KLKB1: variants seen among roughly 807,000 people sequenced by gnomAD.
KLKB1 encodes the protein kallikrein B1.
KLKB1 carries 58 observed loss-of-function variants against 73.6 expected under a neutral mutation model. That is an observed-to-expected ratio of 0.79 (90% CI 0.64 to 0.98). The LOEUF (loss-of-function observed/expected upper bound fraction) is 0.98, where lower values mean the gene tolerates loss of function less well. Ranked by LOEUF, KLKB1 falls within the 50% of genes least tolerant of loss-of-function variation. The pLI is 0.00. For synonymous variants in KLKB1, 280 were observed against 258.1 expected (o/e 1.08, Z -0.81); for missense variants, 737 against 763.8 (o/e 0.96, Z 0.41).
rs1246510802 is a variant in KLKB1 at position 186,228,241 on chromosome 4, A to G, written c.46A>G (p.Thr16Ala). 4.4e-6 allele frequency: 7 copies of G among 1,596,670 alleles called. No homozygotes were observed. The highest frequency in any genetic ancestry group is 2.2e-5 in the East Asian group (1 of 44,794). Reference protein sequence around the residue: ...QATYFISLFATVSCGCLTQLY... With the variant: ...QATYFISLFAAVSCGCLTQLY... ...AACTTATTTCATTTCCTTGTTTGCT[A>G]CAGTTTCCTGTGGTAAGTGAATTAT... The change falls in exon 2 of 15, where the codon ACA becomes GCA. Residue 16 changes from threonine to alanine, a missense_variant. Thr to Ala is a moderately conservative substitution (Grantham distance 58). Transcript: ENST00000264690.
In KLKB1 at chr4:186,234,031, T is replaced by G. The variant is rs1418393675; in HGVS notation, c.301T>G (p.Leu101Val). ...HRTGAVSGHSLKQCGHQISAC... is the reference protein window; with the variant it reads ...HRTGAVSGHSVKQCGHQISAC... ...AACAGGTGCAGTTTCTGGACATTCC[T>G]TGAAGCAATGTGGTCATCAAATAAG... Residue 101 changes from leucine (L) to valine (V), a missense_variant, in exon 4 of 15, where the codon TTG becomes GTG. Leu to Val is a conservative substitution (Grantham distance 32). Coordinates refer to ENST00000264690, the MANE Select transcript of KLKB1 (RefSeq NM_000892.5). 2.5e-6 allele frequency: 4 copies of G among 1,613,796 alleles called. No individual in the cohort carries two copies. The African/African-American group carries it at 4.0e-5, about 16-fold the overall frequency.
upstream of KLKB1, among the ~76,000 whole-genome samples, chr4:186,226,859 G>T (rs1737185742): frequency 6.6e-6 from 1 of 152,168 alleles, no homozygotes. Flanking sequence ...GGCTAACGTG[G>T]AGGCTAGATA....
upstream of KLKB1, among the ~76,000 whole-genome samples, chr4:186,227,225 C>G (rs1044324618): frequency 6.6e-6 from 1 of 152,136 alleles, no homozygotes; most frequent in Non-Finnish European, 1.5e-5. Context: ...TGTGCTGCAA[C>G]CAGGTGGCAT....
At chr4:186,257,162 ATTAT>A (rs1739044469) in intron 13 of KLKB1, 60 bp from the exon 14 acceptor site, 6 of 812,752 alleles carry the variant, frequency 7.4e-6, no homozygotes, top group South Asian at 4.4e-5. Flanking sequence ...TCCCAATATT[ATTAT>A]TTATTATTTA....
At chr4:186,257,729 C>CT (rs1739077673) in intron 14 of KLKB1, among the ~76,000 whole-genome samples, 1 of 146,680 alleles carries the variant, frequency 6.8e-6, no homozygotes, top group Non-Finnish European at 1.5e-5. Context: ...ACTTGGAGAA[C>CT]TTTAAGAAAG....
At chr4:186,257,498 C>T (rs2126681652) in intron 14 of KLKB1, 133 bp downstream of exon 14, 2 of 577,904 alleles carry the variant, frequency 3.5e-6, no homozygotes, top group African/African-American at 3.9e-5. Flanking sequence ...AATTGATAAG[C>T]AACTTTTAAC....
chr4:186,250,310 A>T lies in KLKB1; in HGVS notation c.666A>T (p.Pro222=). 6.2e-7 allele frequency: 1 copy of T among 1,614,114 alleles called. No individual in the cohort carries two copies. The highest frequency in any genetic ancestry group is 8.5e-7 in the Non-Finnish European group (1 of 1,179,976). Residue 222 remains proline (P), a synonymous_variant, in exon 7 of 15, where the codon CCA becomes CCT. Transcript: ENST00000264690. ...SDVDVARVLT[P]DAFVCRTICT... The stretch of plus-strand genomic sequence containing the variant: ...TGGATGTTGCCAGGGTTCTCACTCC[A>T]GATGCTTTTGTGTGTCGGACCATCT...
At chr4:186,219,904 G>A (rs1007850532) in intron 2 of KLKB1, among the ~76,000 whole-genome samples, 6 of 152,070 alleles carry the variant, frequency 3.9e-5, no homozygotes, top group African/African-American at 1.4e-4. Flanking sequence ...CTCCACTGTG[G>A]AGTAATAGAC....
intron 3 of KLKB1, among the ~76,000 whole-genome samples, chr4:186,232,928 T>C (rs3775301): frequency 0.13 from 19,086 of 152,258 alleles, 1,515 homozygotes; most frequent in Middle Eastern, 0.21. Context: ...ATTTTGTGTG[T>C]GTGTGTGATG....
At chr4:186,230,428 GT>G (rs370427038) in intron 2 of KLKB1, among the ~76,000 whole-genome samples, 12 of 152,072 alleles carry the variant, frequency 7.9e-5, no homozygotes, top group African/African-American at 2.7e-4. Context: ...TTGTGGAATT[GT>G]TAAACAAGAC....
rs61733943 is a variant in KLKB1 at position 186,258,166 on chromosome 4, A to C, written c.1871A>C (p.Lys624Thr). ...VAEYMDWILE[K>T]TQSSDGKAQM... ...GAGTACATGGACTGGATTTTAGAGA[A>C]AACACAGAGCAGTGATGGAAAAGCT... The change falls in exon 15 of 15, where the codon AAA (lysine) becomes ACA (threonine). Residue 624 changes from lysine (K) to threonine (T), a missense_variant. Physicochemically the swap from Lys to Thr is moderately conservative, Grantham distance 78 (BLOSUM62 -1). Coordinates refer to ENST00000264690, the MANE Select transcript of KLKB1 (RefSeq NM_000892.5). 553 of 1,614,190 alleles carry C rather than the reference A, an allele frequency of 3.4e-4. 3 individuals carry two copies. The African/African-American group carries it at 6.3e-3, about 19-fold the overall frequency.
chr4:186,257,659 T>C (rs1739074500), intron 14 of KLKB1, among the ~76,000 whole-genome samples: 1 of 152,044 alleles, frequency 6.6e-6, no homozygotes, highest in Non-Finnish European at 1.5e-5. Context: ...ATATCAAGAT[T>C]TCTTTGTTAG....
At chr4:186,256,842 TG>T (rs1051551406) in intron 13 of KLKB1, among the ~76,000 whole-genome samples, 3 of 152,112 alleles carry the variant, frequency 2.0e-5, no homozygotes, top group Non-Finnish European at 2.9e-5. Flanking sequence ...ATGGGATTTC[TG>T]GGGGGCTGCT....
chr4:186,244,334 G>A (rs1738212482), intron 6 of KLKB1, among the ~76,000 whole-genome samples: 1 of 152,208 alleles, frequency 6.6e-6, no homozygotes, highest in Non-Finnish European at 1.5e-5. Context: ...GAGTTGTTTT[G>A]TAGAAGGGGT....
intron 2 of KLKB1, among the ~76,000 whole-genome samples, chr4:186,218,781 G>A (rs565977729): frequency 6.6e-6 from 1 of 152,090 alleles, no homozygotes; most frequent in Non-Finnish European, 1.5e-5. Context: ...AGAACTAATA[G>A]GATAGATGTA....
chr4:186,254,080 A>G (rs1261231891), intron 11 of KLKB1, among the ~76,000 whole-genome samples: 1 of 152,176 alleles, frequency 6.6e-6, no homozygotes, highest in Non-Finnish European at 1.5e-5. Flanking sequence ...GGATCCACCC[A>G]CCTCGGCCTC....
At chr4:186,255,850 C>T in intron 12 of KLKB1, 142 bp from the exon 13 acceptor site, 1 of 656,486 alleles carries the variant, frequency 1.5e-6, no homozygotes, top group Non-Finnish European at 2.8e-6. Context: ...AATCATTAGC[C>T]TTAGAGGTTG....
intron 14 of KLKB1, 121 bp from the exon 15 acceptor site, chr4:186,257,900 A>T: frequency 1.1e-6 from 1 of 938,368 alleles, no homozygotes; most frequent in Non-Finnish European, 1.7e-6. Flanking sequence ...CTACAAAAAA[A>T]TATGAAAGTA....
chr4:186,217,715 A>G (rs1164740357), intron 2 of KLKB1, among the ~76,000 whole-genome samples: 1 of 152,210 alleles, frequency 6.6e-6, no homozygotes, highest in Non-Finnish European at 1.5e-5. Flanking sequence ...ACGTAAATCT[A>G]GGACTGAAGG....
Sources: allele counts gnomAD v4.1 joint callset (sites outside exome capture counted in the v4.1 genomes callset), GRCh38; gene constraint gnomAD v4.1.1; transcripts MANE v1.5; gene names NCBI Gene and HGNC (gene_info 2026-07-23, HGNC 2026-07-21).